Variants in STPG2 observed in about 807,000 individuals in gnomAD.
STPG2 encodes sperm-tail PG-rich repeat-containing protein 2.
In STPG2, 56 loss-of-function variants were observed where a neutral mutation model predicts 54.2. That is an observed-to-expected ratio of 1.03 (90% CI 0.83 to 1.29). The LOEUF (loss-of-function observed/expected upper bound fraction) is 1.29, where lower values mean the gene tolerates loss of function less well. Among genes scored for constraint, STPG2 ranks in the 50% most tolerant of loss-of-function variants. The pLI is 0.00. For synonymous variants in STPG2, 200 were observed against 181.8 expected (o/e 1.10, Z -0.81); for missense variants, 596 against 544.9 (o/e 1.09, Z -0.93).
intron 8 of STPG2, among the ~76,000 whole-genome samples, chr4:97,935,157 T>C (rs1732702843): frequency 1.3e-5 from 2 of 152,216 alleles, no homozygotes; most frequent in Admixed American, 6.5e-5. Context: ...GTGTTTATAG[T>C]ATTATCTAAT....
rs139882988 is a variant in STPG2, at chr4:98,052,764, T to C, written c.612+53189A>G. Among the ~76,000 whole-genome samples, 775 of 152,280 alleles carry C rather than the reference T, an allele frequency of 5.1e-3. 5 individuals carry two copies. The highest frequency in any genetic ancestry group is 8.6e-3 in the Admixed American group (131 of 15,304). On this transcript the variant is annotated intron_variant, in intron 5 of 10. Transcript: ENST00000295268. Reference sequence around the variant, plus strand: ...CTTAACACAGTGGCTATCACTTACTTAGTAGGCATTGAACCAATGACCCAT... The same window carrying C: ...CTTAACACAGTGGCTATCACTTACTCAGTAGGCATTGAACCAATGACCCAT...
chr4:97,442,132 T>G (rs1266197267), intron 4 of STPG2, among the ~76,000 whole-genome samples: 1 of 152,046 alleles, frequency 6.6e-6, no homozygotes, highest in Non-Finnish European at 1.5e-5. Context: ...CTAGGAAAAG[T>G]TGAAGAAAAT....
chr4:98,040,747 G>A (rs187499999), intron 5 of STPG2, among the ~76,000 whole-genome samples: 169 of 152,026 alleles, frequency 1.1e-3, no homozygotes, highest in African/African-American at 3.9e-3. Context: ...TTCGAAGTCA[G>A]ACAATGTGAT....
intron 4 of STPG2, among the ~76,000 whole-genome samples, chr4:97,476,566 G>T (rs923564086): frequency 1.3e-5 from 2 of 151,990 alleles, no homozygotes; most frequent in Non-Finnish European, 2.9e-5. Flanking sequence ...AGTGATTCTG[G>T]AGGATATCAC....
At chr4:97,753,063 T>C (rs1578535082) in intron 9 of STPG2, among the ~76,000 whole-genome samples, 1 of 151,898 alleles carries the variant, frequency 6.6e-6, no homozygotes, top group Non-Finnish European at 1.5e-5. Flanking sequence ...TTATTTTTCA[T>C]TGTGGTAAAA....
chr4:97,942,610 G>A (rs1733032346), intron 8 of STPG2, among the ~76,000 whole-genome samples: 1 of 151,908 alleles, frequency 6.6e-6, no homozygotes. Flanking sequence ...CTCCTGAATA[G>A]CTTTCACCAA....
intron 5 of STPG2, chr4:98,025,415 G>T (rs1280002037): frequency 2.5e-6 from 1 of 406,236 alleles, no homozygotes; most frequent in South Asian, 2.1e-5. Flanking sequence ...TAAGAATAAG[G>T]CCTGCTTTAA....
chr4:97,976,391 A>G (rs1734501420), intron 6 of STPG2, among the ~76,000 whole-genome samples: 1 of 152,162 alleles, frequency 6.6e-6, no homozygotes, highest in Admixed American at 6.5e-5. Context: ...TAAGTACTTA[A>G]TATATCATCC....
chr4:97,900,620 C>A (rs1731139692), intron 8 of STPG2, among the ~76,000 whole-genome samples: 1 of 151,984 alleles, frequency 6.6e-6, no homozygotes, highest in African/African-American at 2.4e-5. Flanking sequence ...ATGTCTTTTG[C>A]AGAAACATGG....
intron 4 of STPG2, among the ~76,000 whole-genome samples, chr4:97,458,671 A>G (rs1729585735): frequency 6.6e-6 from 1 of 152,186 alleles, no homozygotes; most frequent in African/African-American, 2.4e-5. Context: ...AAATGTTTAA[A>G]AAAATCATTA....
intron 8 of STPG2, among the ~76,000 whole-genome samples, chr4:97,897,739 T>C (rs146894621): frequency 1.3e-4 from 20 of 152,134 alleles, no homozygotes; most frequent in African/African-American, 4.8e-4. Flanking sequence ...CCTTTGTCTA[T>C]TTTTTAATGG....
intron 8 of STPG2, among the ~76,000 whole-genome samples, chr4:97,851,446 C>T (rs1457635429): frequency 1.3e-5 from 2 of 152,134 alleles, no homozygotes; most frequent in Admixed American, 6.6e-5. Context: ...ATTTTCAACC[C>T]ATACAATGCT....
At chr4:97,496,927 A>G (rs181464860) in intron 4 of STPG2, among the ~76,000 whole-genome samples, 25 of 151,420 alleles carry the variant, frequency 1.7e-4, no homozygotes, top group African/African-American at 5.3e-4. Context: ...AGAGAAAATA[A>G]TATCCATATT....
chr4:97,662,628 G>A (rs1295385043), intron 10 of STPG2, among the ~76,000 whole-genome samples: 1 of 152,062 alleles, frequency 6.6e-6, no homozygotes, highest in Non-Finnish European at 1.5e-5. Context: ...CATTAACAGT[G>A]GATTGGATTT....
intron 10 of STPG2, among the ~76,000 whole-genome samples, chr4:97,682,464 T>G (rs911063070): frequency 6.6e-6 from 1 of 151,854 alleles, no homozygotes; most frequent in African/African-American, 2.4e-5. Context: ...AAACTAATTC[T>G]CCAATACAGA....
chr4:97,657,157 G>A (rs75955984), intron 10 of STPG2, among the ~76,000 whole-genome samples: 4,471 of 151,964 alleles, frequency 0.029, 205 homozygotes, highest in African/African-American at 0.1. Context: ...AATAAAATAA[G>A]TGGAATAAAT....
chr4:98,106,002 G>A lies in STPG2; in HGVS notation c.563C>T (p.Ser188Leu). The stretch of plus-strand genomic sequence containing the variant: ...TATTTCATATAGTCGTGGGATAAAT[G>A]AACAATAATTTTGTTGTTGATCTCT... ...IKRDQQQNYCSFIPRLYEIIV... is the reference protein window; with the variant it reads ...IKRDQQQNYCLFIPRLYEIIV... Residue 188 changes from serine (S) to leucine (L), a missense_variant, in exon 5 of 11, where the codon TCA (serine) becomes TTA (leucine). Coordinates refer to ENST00000295268, the MANE Select transcript of STPG2 (RefSeq NM_174952.3). The A allele has an allele frequency of 1.3e-6, 2 of 1,555,898 alleles. No homozygotes were observed. Among genetic ancestry groups the A allele is most frequent in the Admixed American group, 1.7e-5 (1 of 58,062 alleles).
intron 4 of STPG2, among the ~76,000 whole-genome samples, chr4:97,491,876 A>G (rs1036866632): frequency 4.6e-5 from 7 of 151,580 alleles, no homozygotes; most frequent in Admixed American, 2.0e-4. Flanking sequence ...AGTGGCAGTG[A>G]TAAAGATGAA....
At chr4:97,737,660 A>G (rs1273822752) in intron 9 of STPG2, among the ~76,000 whole-genome samples, 1 of 152,052 alleles carries the variant, frequency 6.6e-6, no homozygotes, top group Non-Finnish European at 1.5e-5. Flanking sequence ...AAGCTTAGAG[A>G]AAAAAAAATA....
Sources: allele counts gnomAD v4.1 joint callset (sites outside exome capture counted in the v4.1 genomes callset), GRCh38; gene constraint gnomAD v4.1.1; transcripts MANE v1.5; gene names NCBI Gene and HGNC (gene_info 2026-07-23, HGNC 2026-07-21).